ZNF892: variants seen among roughly 807,000 people sequenced by gnomAD.
The protein encoded by ZNF892 is zinc finger protein 570-like.
chr2:95,234,300 TAGA>T, the ZNF892 span, among the ~76,000 whole-genome samples: 1 of 152,240 alleles, frequency 6.6e-6, no homozygotes, highest in Admixed American at 6.5e-5. Context: ...TTATTATGAT[TAGA>T]AGAAGAACCC....
the ZNF892 span, among the ~76,000 whole-genome samples, chr2:95,248,682 C>T: frequency 6.6e-6 from 1 of 152,058 alleles, no homozygotes; most frequent in East Asian, 1.9e-4. Context: ...AAACTAATCT[C>T]TAATTTTATA....
At chr2:95,242,230 G>C in the ZNF892 span, among the ~76,000 whole-genome samples, 1 of 152,136 alleles carries the variant, frequency 6.6e-6, no homozygotes, top group Non-Finnish European at 1.5e-5. Flanking sequence ...AAAATGTTAA[G>C]AGCAGCCAGA....
chr2:95,216,579 T>G, the ZNF892 span, among the ~76,000 whole-genome samples: 1 of 152,314 alleles, frequency 6.6e-6, no homozygotes, highest in South Asian at 2.1e-4. Flanking sequence ...TGAAATACCT[T>G]TTACCATTTT....
the ZNF892 span, chr2:95,215,472 A>G: frequency 2.3e-6 from 1 of 437,936 alleles, no homozygotes; most frequent in Non-Finnish European, 4.1e-6. Context: ...GGAATGTGGA[A>G]AAGCCTTTAG....
chr2:95,249,901 C>A, the ZNF892 span, among the ~76,000 whole-genome samples: 1 of 152,032 alleles, frequency 6.6e-6, no homozygotes, highest in African/African-American at 2.4e-5. Flanking sequence ...TTTAAAGTTT[C>A]AAATTTCCAA....
At chr2:95,243,028 T>C in the ZNF892 span, among the ~76,000 whole-genome samples, 1 of 152,216 alleles carries the variant, frequency 6.6e-6, no homozygotes, top group Non-Finnish European at 1.5e-5. Context: ...TTTCGTATTT[T>C]TTTGGTGGAG....
At chr2:95,226,061 G>T in the ZNF892 span, among the ~76,000 whole-genome samples, 1 of 152,160 alleles carries the variant, frequency 6.6e-6, no homozygotes, top group African/African-American at 2.4e-5. Flanking sequence ...GAATGGCCCT[G>T]CCCCCACAGC....
At chr2:95,212,822 G>T in the ZNF892 span, among the ~76,000 whole-genome samples, 1 of 152,142 alleles carries the variant, frequency 6.6e-6, no homozygotes, top group African/African-American at 2.4e-5. Context: ...AATTAAAATG[G>T]GGATAATGAT....
the ZNF892 span, among the ~76,000 whole-genome samples, chr2:95,257,385 G>A: frequency 6.6e-6 from 1 of 152,210 alleles, no homozygotes; most frequent in Non-Finnish European, 1.5e-5. Flanking sequence ...CAGAACAGCA[G>A]ATAGTGGTAA....
At chr2:95,230,783 TG>T in the ZNF892 span, among the ~76,000 whole-genome samples, 2 of 152,340 alleles carry the variant, frequency 1.3e-5, no homozygotes, top group South Asian at 4.1e-4. Flanking sequence ...TTTAAAGCTC[TG>T]GGGGTTGCTC....
the ZNF892 span, among the ~76,000 whole-genome samples, chr2:95,256,471 G>A: frequency 7.2e-5 from 11 of 152,202 alleles, no homozygotes; most frequent in Non-Finnish European, 1.3e-4. Flanking sequence ...CCCTTTGTGG[G>A]TAACCCGACT....
At chr2:95,224,983 T>G in the ZNF892 span, among the ~76,000 whole-genome samples, 2 of 152,168 alleles carry the variant, frequency 1.3e-5, no homozygotes, top group Non-Finnish European at 2.9e-5. Context: ...AGATACTAGC[T>G]CCTTGATTTT....
At chr2:95,243,350 A>C in the ZNF892 span, among the ~76,000 whole-genome samples, 3 of 130,626 alleles carry the variant, frequency 2.3e-5, no homozygotes, top group Admixed American at 8.0e-5. Flanking sequence ...CTGGCTGCCC[A>C]GTCTGGAAAG....
chr2:95,226,155 A>G, the ZNF892 span, among the ~76,000 whole-genome samples: 1 of 152,164 alleles, frequency 6.6e-6, no homozygotes, highest in Non-Finnish European at 1.5e-5. Flanking sequence ...GTCTCTTTAC[A>G]GTGGCTCCAC....
the ZNF892 span, among the ~76,000 whole-genome samples, chr2:95,226,984 C>T: frequency 6.6e-6 from 1 of 152,032 alleles, no homozygotes; most frequent in African/African-American, 2.4e-5. Flanking sequence ...TTTCTTTTGT[C>T]CTTATAAATG....
the ZNF892 span, among the ~76,000 whole-genome samples, chr2:95,256,691 T>C: frequency 2.0e-5 from 3 of 152,240 alleles, no homozygotes; most frequent in Non-Finnish European, 4.4e-5. Context: ...CCATTCTCCC[T>C]GTCACTTTCA....
chr2:95,252,930 GTTGT>G, the ZNF892 span, among the ~76,000 whole-genome samples: 1 of 152,080 alleles, frequency 6.6e-6, no homozygotes. Flanking sequence ...TGTTGATGGG[GTTGT>G]TTGTTTTTTT....
the ZNF892 span, among the ~76,000 whole-genome samples, chr2:95,231,653 A>G: frequency 6.6e-6 from 1 of 152,344 alleles, no homozygotes; most frequent in East Asian, 1.9e-4. Context: ...TGAGTAGATC[A>G]AGTTAATTTA....
the ZNF892 span, among the ~76,000 whole-genome samples, chr2:95,240,775 G>A: frequency 6.6e-6 from 1 of 152,194 alleles, no homozygotes; most frequent in Non-Finnish European, 1.5e-5. Flanking sequence ...GTTCCCAGGG[G>A]CGGGGCAGCT....
Sources: gnomAD v4.1 joint callset for allele counts (sites outside exome capture counted in the v4.1 genomes callset) on GRCh38, gnomAD v4.1.1 for gene constraint, MANE v1.5 for transcripts, NCBI Gene and HGNC (gene_info 2026-07-23, HGNC 2026-07-21) for gene names.